MEGF11: variants seen among roughly 807,000 people sequenced by gnomAD.
The protein encoded by MEGF11 is multiple EGF like domains 11.
In MEGF11, 126 loss-of-function variants were observed where a neutral mutation model predicts 146.6. The ratio of observed to expected loss-of-function variants is 0.86; its 90% CI spans 0.74 to 1.00. The LOEUF (loss-of-function observed/expected upper bound fraction) is 1.00, where lower values mean the gene tolerates loss of function less well. Ranked by LOEUF, MEGF11 falls within the 50% of genes least tolerant of loss-of-function variation. MEGF11 has a pLI of 0.00. For missense variants in MEGF11, 1,509 were observed against 1,521.2 expected, an observed-to-expected ratio of 0.99 and a Z score of 0.13; for synonymous variants, 532 against 583.4, an observed-to-expected ratio of 0.91 and a Z score of 1.27.
At chr15:65,904,947 C>T (rs767625311) in intron 24 of MEGF11, among the ~76,000 whole-genome samples, 1 of 152,218 alleles carries the variant, frequency 6.6e-6, no homozygotes, top group Non-Finnish European at 1.5e-5. Flanking sequence ...GGCTGGAGTG[C>T]AGTGGCACGA....
intron 1 of MEGF11, among the ~76,000 whole-genome samples, chr15:66,146,846 C>T (rs2089392741): frequency 1.3e-5 from 2 of 152,320 alleles, no homozygotes; most frequent in Middle Eastern, 3.4e-3. Flanking sequence ...AAGGTAGGCA[C>T]CTTCTCAGGG....
chr15:66,128,252 A>G (rs2140961122), intron 2 of MEGF11, 54 bp downstream of exon 2: 7 of 1,238,234 alleles, frequency 5.7e-6, no homozygotes, highest in Non-Finnish European at 7.5e-6. Context: ...CCCTACTGCC[A>G]TGCCCAGGGC....
In MEGF11 at chr15:65,937,576, C is replaced by T. The variant is rs1317297906; in HGVS notation, c.1288-6633G>A. Among the ~76,000 whole-genome samples the T allele has an allele frequency of 2.0e-5, 3 of 152,348 alleles. No individual in the cohort carries two copies. The East Asian group carries it at 5.8e-4, about 29-fold the overall frequency. On this transcript the variant is annotated intron_variant, in intron 10 of 25. Coordinates refer to ENST00000395614, the MANE Select transcript of MEGF11 (RefSeq NM_001385028.1). ...TGTTAGTATTCTCCGCCTACAAAGC[C>T]CTCTCCATTTGAAAGACACTGCAGT...
intron 7 of MEGF11, among the ~76,000 whole-genome samples, chr15:65,972,611 T>C (rs1436058805): frequency 2.0e-5 from 3 of 152,018 alleles, no homozygotes; most frequent in Non-Finnish European, 4.4e-5. Context: ...ATTAAGAGGG[T>C]TTAGACTTCT....
chr15:66,195,585 C>T (rs1287798843), intron 1 of MEGF11, among the ~76,000 whole-genome samples: 2 of 152,162 alleles, frequency 1.3e-5, no homozygotes, highest in Non-Finnish European at 2.9e-5. Flanking sequence ...TATAGGCCAG[C>T]GCTGCAGGCA....
chr15:66,055,182 GT>G (rs1567220516), intron 5 of MEGF11, among the ~76,000 whole-genome samples: 1 of 152,162 alleles, frequency 6.6e-6, no homozygotes, highest in Non-Finnish European at 1.5e-5. Context: ...AACTGTACCG[GT>G]TTAGCTCTGA....
At chr15:66,147,305 TC>T (rs1279845788) in intron 1 of MEGF11, among the ~76,000 whole-genome samples, 1 of 152,080 alleles carries the variant, frequency 6.6e-6, no homozygotes, top group Non-Finnish European at 1.5e-5. Flanking sequence ...CTTGCCAGCC[TC>T]CTCCCAGGGA....
At chr15:66,133,311 G>A (rs1161470304) in intron 1 of MEGF11, among the ~76,000 whole-genome samples, 2 of 152,212 alleles carry the variant, frequency 1.3e-5, no homozygotes, top group African/African-American at 4.8e-5. Flanking sequence ...AGCTGCAGTT[G>A]GGGACTGGGT....
intron 1 of MEGF11, among the ~76,000 whole-genome samples, chr15:66,129,740 T>G (rs781219161): frequency 3.3e-5 from 5 of 152,174 alleles, no homozygotes; most frequent in Admixed American, 2.6e-4. Flanking sequence ...TTCTGAAAGG[T>G]CAAACACTCT....
chr15:66,218,546 G>A (rs1408067854), intron 1 of MEGF11, among the ~76,000 whole-genome samples: 1 of 152,178 alleles, frequency 6.6e-6, no homozygotes, highest in Non-Finnish European at 1.5e-5. Context: ...AGTTTCATGT[G>A]GAGATGGAGG....
intron 1 of MEGF11, among the ~76,000 whole-genome samples, chr15:66,218,981 A>AAAAAAAAAAAAAAAAAAAC (rs2091660400): frequency 6.7e-6 from 1 of 149,442 alleles, no homozygotes; most frequent in Admixed American, 6.6e-5. Flanking sequence ...TCCACAGGCA[A>AAAAAAAAAAAAAAAAAAAC]AAAAAAAAAA....
chr15:66,156,142 G>C (rs1044579349), intron 1 of MEGF11, among the ~76,000 whole-genome samples: 1 of 152,146 alleles, frequency 6.6e-6, no homozygotes, highest in Non-Finnish European at 1.5e-5. Context: ...CTCCAGGTTG[G>C]AAGGAGGGTC....
At chr15:66,210,414 G>GCCT (rs2091414615) in intron 1 of MEGF11, among the ~76,000 whole-genome samples, 1 of 152,126 alleles carries the variant, frequency 6.6e-6, no homozygotes, top group Non-Finnish European at 1.5e-5. Flanking sequence ...CCTTGCCTGG[G>GCCT]AATGACAGCT....
intron 8 of MEGF11, chr15:65,967,243 A>C (rs2081136595): frequency 2.0e-5 from 3 of 152,190 alleles, no homozygotes; most frequent in Admixed American, 2.0e-4. Flanking sequence ...ACTCATGTTA[A>C]TATTGTTTTC....
rs149970107 is a variant in MEGF11 at position 65,922,459 on chromosome 15, C to A, written c.1836G>T (p.Gly612=). The change falls in exon 15 of 26, where the codon GGG becomes GGT. Residue 612 remains glycine, a synonymous_variant. Coordinates refer to ENST00000395614, the MANE Select transcript of MEGF11 (RefSeq NM_001385028.1). The stretch of plus-strand genomic sequence containing the variant: ...GCTGGGCGCAGCCGTGGCCATAGAA[C>A]CCAGGGGGGCAGACTGAGGGTGAAG... ...GPLCQRICPP[G]FYGHGCAQPC... 2 of 1,574,936 alleles carry A rather than the reference C, an allele frequency of 1.3e-6. No homozygotes were observed. The highest frequency in any genetic ancestry group is 2.7e-5 in the African/African-American group (2 of 74,002).
intron 24 of MEGF11, among the ~76,000 whole-genome samples, chr15:65,903,773 G>A (rs1032248536): frequency 3.3e-5 from 5 of 152,204 alleles, no homozygotes; most frequent in East Asian, 3.8e-4. Context: ...TTCGGGGGGC[G>A]TTAGCCAATT....
At chr15:66,213,625 C>T (rs1225576052) in intron 1 of MEGF11, among the ~76,000 whole-genome samples, 1 of 151,748 alleles carries the variant, frequency 6.6e-6, no homozygotes, top group African/African-American at 2.4e-5. Flanking sequence ...CCATGTCGCC[C>T]AGGCTGGTCT....
At chr15:66,062,279 T>C (rs919005133) in intron 5 of MEGF11, among the ~76,000 whole-genome samples, 1 of 152,248 alleles carries the variant, frequency 6.6e-6, no homozygotes, top group East Asian at 1.9e-4. Context: ...ACTAATAGAA[T>C]ATGGCAAAGA....
chr15:66,248,034 TGCCTGTGGTGGTTGACTTAG>T (rs1233468215), intron 1 of MEGF11, among the ~76,000 whole-genome samples: 3 of 152,246 alleles, frequency 2.0e-5, no homozygotes, highest in East Asian at 3.9e-4. Context: ...TTCCTTCTCT[TGCCTGTGGTGGTTGACTTAG>T]GCGTGACACA....
Sources: allele counts gnomAD v4.1 joint callset (sites outside exome capture counted in the v4.1 genomes callset), GRCh38; gene constraint gnomAD v4.1.1; transcripts MANE v1.5; gene names NCBI Gene and HGNC (gene_info 2026-07-23, HGNC 2026-07-21).